The following NLGN1 variants were observed in gnomAD, a reference collection of about 807,000 sequenced individuals.
NLGN1 encodes the protein neuroligin 1.
NLGN1 carries 12 observed loss-of-function variants against 65.5 expected under a neutral mutation model. The ratio of observed to expected loss-of-function variants is 0.18; its 90% confidence interval spans 0.12 to 0.30. The LOEUF is 0.30. NLGN1 is among the 10% of genes least tolerant of loss of function. The pLI, the probability that NLGN1 is intolerant of heterozygous loss-of-function variation, is 1.00. For synonymous variants in NLGN1, 350 were observed against 359.5 expected (o/e 0.97, Z 0.30); for missense variants, 750 against 1,007.1 (o/e 0.74, Z 3.46).
At chr3:174,105,093 T>A (rs1713418574) in intron 4 of NLGN1, among the ~76,000 whole-genome samples, 1 of 152,064 alleles carries the variant, frequency 6.6e-6, no homozygotes, top group Non-Finnish European at 1.5e-5. Flanking sequence ...GTGAAAATAA[T>A]ATATGCTTGT....
chr3:173,720,210 C>G, intron 3 of NLGN1, among the ~76,000 whole-genome samples: 1 of 152,118 alleles, frequency 6.6e-6, no homozygotes, highest in East Asian at 1.9e-4. Flanking sequence ...ATGTGGTAAA[C>G]AAAATCTTTA....
chr3:173,558,716 T>C (rs1242966877), intron 2 of NLGN1, among the ~76,000 whole-genome samples: 1 of 152,194 alleles, frequency 6.6e-6, no homozygotes, highest in Non-Finnish European at 1.5e-5. Context: ...ATAATGGTTA[T>C]TTTGAAGTCT....
In NLGN1 at chr3:173,702,906, G is replaced by A. The variant is rs560937263; in HGVS notation, c.493+97815G>A. Among the ~76,000 whole-genome samples the A allele has an allele frequency of 9.9e-5, 15 of 152,236 alleles. No homozygotes were observed. The South Asian group carries it at 2.9e-3, about 29-fold the overall frequency. On this transcript the variant is annotated intron_variant, in intron 3 of 6. Coordinates refer to ENST00000457714, the Ensembl canonical transcript of NLGN1. The stretch of plus-strand genomic sequence containing the variant: ...TCTTTTTGAGCAATATTACTTGAAT[G>A]CCAATAGTATTATCTTTTATTTCAC...
rs1356025879 is a variant in NLGN1, at chr3:173,426,347, A to G, written c.-389-8663A>G. Among the ~76,000 whole-genome samples, 3 of 151,938 alleles carry G rather than the reference A, an allele frequency of 2.0e-5. No individual in the cohort carries two copies. The East Asian group carries it at 5.8e-4, about 29-fold the overall frequency. ...TTCCTTTCTGTTACCTAATTGCTCTAGCTAAGACTTCTGCTATGATGTTGA... is the reference window on the plus strand; with the variant it reads ...TTCCTTTCTGTTACCTAATTGCTCTGGCTAAGACTTCTGCTATGATGTTGA... On this transcript the variant is annotated intron_variant, in intron 1 of 6. Transcript: ENST00000457714.
chr3:173,872,927 C>G (rs996273779), intron 4 of NLGN1, among the ~76,000 whole-genome samples: 3 of 151,658 alleles, frequency 2.0e-5, no homozygotes, highest in Non-Finnish European at 4.4e-5. Context: ...GGATATAGGA[C>G]AAGCAGATGA....
chr3:174,085,618 A>G (rs1051917464), intron 4 of NLGN1, among the ~76,000 whole-genome samples: 1 of 152,028 alleles, frequency 6.6e-6, no homozygotes, highest in Non-Finnish European at 1.5e-5. Flanking sequence ...CATATTTTGT[A>G]CTTTATCCTT....
rs574034181 is a variant in NLGN1, at chr3:173,578,129, G to A, written c.-320-26150G>A. 4.6e-5 allele frequency among the ~76,000 whole-genome samples: 7 copies of A among 151,924 alleles called. No individual in the cohort carries two copies. The South Asian group carries it at 6.2e-4, about 14-fold the overall frequency. ...CAGGCACCTGTAGTCCCAGCTACTC[G>A]GGAGGCTGAGGCAGGAGAATGGCAT... On this transcript the variant is annotated intron_variant, in intron 2 of 6. Coordinates refer to ENST00000457714, the Ensembl canonical transcript of NLGN1.
At chr3:174,123,873 G>A (rs567180830) in intron 4 of NLGN1, among the ~76,000 whole-genome samples, 15 of 152,030 alleles carry the variant, frequency 9.9e-5, no homozygotes, top group Non-Finnish European at 2.2e-4. Context: ...CTCCAGATAC[G>A]TTGATGCATT....
downstream of NLGN1, among the ~76,000 whole-genome samples, chr3:174,289,407 A>G (rs1752473215): frequency 6.6e-6 from 1 of 151,372 alleles, no homozygotes; most frequent in African/African-American, 2.4e-5. Context: ...CTAGCAGCCA[A>G]CTGATTACTC....
At chr3:173,887,445 T>G (rs1734561340) in intron 4 of NLGN1, among the ~76,000 whole-genome samples, 1 of 151,984 alleles carries the variant, frequency 6.6e-6, no homozygotes, top group Non-Finnish European at 1.5e-5. Flanking sequence ...GCTTGGTGAA[T>G]TTTTTTCTAA....
intron 2 of NLGN1, among the ~76,000 whole-genome samples, chr3:173,479,476 G>A (rs1056575187): frequency 1.3e-5 from 2 of 152,166 alleles, no homozygotes; most frequent in African/African-American, 4.8e-5. Context: ...GAAATCTGGT[G>A]GTGCTAGCTT....
chr3:173,539,251 A>C (rs922576165), intron 2 of NLGN1, among the ~76,000 whole-genome samples: 3 of 151,736 alleles, frequency 2.0e-5, no homozygotes, highest in Non-Finnish European at 4.4e-5. Context: ...AGTCTCCATT[A>C]GGCCATAGGT....
chr3:173,895,731 C>T (rs1192449061), intron 4 of NLGN1, among the ~76,000 whole-genome samples: 1 of 151,968 alleles, frequency 6.6e-6, no homozygotes, highest in Non-Finnish European at 1.5e-5. Flanking sequence ...CACTCTGTTG[C>T]CCAGGCTGGA....
At position 173,975,201 on chromosome 3, in the gene NLGN1, A is replaced by G. The variant is rs79825668; in HGVS notation, c.646+167369A>G. On this transcript the variant is annotated intron_variant, in intron 4 of 6. Transcript: ENST00000457714. The stretch of plus-strand genomic sequence containing the variant: ...TCTTGGATGCCTTGGGCTAAGTACA[A>G]TCTAGTTTATGTATCACCAATTTGG... Among the ~76,000 whole-genome samples the G allele has an allele frequency of 3.3e-3, 508 of 152,090 alleles. 18 individuals carry two copies. The East Asian group carries it at 0.082, about 25-fold the overall frequency.
intron 2 of NLGN1, among the ~76,000 whole-genome samples, chr3:173,563,892 T>C (rs941607568): frequency 4.6e-5 from 7 of 152,230 alleles, no homozygotes; most frequent in Non-Finnish European, 1.0e-4. Context: ...AGTAGCCAAA[T>C]TGAATTTTTA....
At chr3:174,067,519 A>G (rs989067162) in intron 4 of NLGN1, among the ~76,000 whole-genome samples, 5 of 152,104 alleles carry the variant, frequency 3.3e-5, no homozygotes, top group East Asian at 1.9e-4. Context: ...TCTTTCTTCT[A>G]CCGTTACTGA....
chr3:174,227,491 A>G lies in NLGN1; in HGVS notation c.647-47824A>G, dbSNP rs1001602231. On this transcript the variant is annotated intron_variant, in intron 4 of 6. Coordinates refer to ENST00000457714, the Ensembl canonical transcript of NLGN1. ...ATTCATATCTTTTTTATTTTTCCTT[A>G]GTACCCAAATAGCCATGTCACTTAG... 5.3e-5 allele frequency among the ~76,000 whole-genome samples: 8 copies of G among 152,074 alleles called. No individual in the cohort carries two copies. In the East Asian group the frequency reaches 7.7e-4, roughly 15 times the overall value.
intron 3 of NLGN1, 123 bp from the exon 3 acceptor site, chr3:173,605,411 G>A (rs1191587963): frequency 1.3e-5 from 6 of 454,396 alleles, no homozygotes; most frequent in African/African-American, 2.0e-5. Flanking sequence ...CAGGCTCAAC[G>A]AATTGGGGAT....
chr3:173,796,329 A>G (rs978360923), intron 3 of NLGN1, among the ~76,000 whole-genome samples: 14 of 152,240 alleles, frequency 9.2e-5, no homozygotes, highest in African/African-American at 2.6e-4. Context: ...CTCCCTTTTT[A>G]AAAAATAAAA....
Sources: allele counts gnomAD v4.1 joint callset (sites outside exome capture counted in the v4.1 genomes callset), GRCh38; gene constraint gnomAD v4.1.1; transcripts MANE v1.5; gene names NCBI Gene and HGNC (gene_info 2026-07-23, HGNC 2026-07-21).